PEBP4: variants seen among roughly 807,000 people sequenced by gnomAD.
PEBP4 encodes phosphatidylethanolamine binding protein 4.
PEBP4 carries 22 observed loss-of-function variants against 23.9 expected under a neutral mutation model. The observed-to-expected ratio is 0.92, with a 90% confidence interval of 0.66 to 1.31. The LOEUF (loss-of-function observed/expected upper bound fraction) is 1.31, where lower values mean the gene tolerates loss of function less well. PEBP4 is among the 40% of genes most tolerant of loss of function. The pLI, the probability that PEBP4 is intolerant of heterozygous loss-of-function variation, is 0.00. For missense variants in PEBP4, 324 were observed against 281.7 expected, an observed-to-expected ratio of 1.15 and a Z score of -1.07; for synonymous variants, 112 against 99.3, an observed-to-expected ratio of 1.13 and a Z score of -0.76.
intron 4 of PEBP4, among the ~76,000 whole-genome samples, chr8:22,767,150 A>G (rs980431830): frequency 2.0e-5 from 3 of 152,212 alleles, no homozygotes; most frequent in Admixed American, 6.5e-5. Flanking sequence ...TGCTTCATAC[A>G]GCACAATAAA....
chr8:22,756,429 C>CCGACAGTCT lies in PEBP4; in HGVS notation c.358-29218_358-29210dup, dbSNP rs1167040318. ...TCCTCGTCAACACTGGTGACTAATT[C>CCGACAGTCT]CGACAGTCTCGGCCAGTTGTGGCTG... On this transcript the variant is annotated intron_variant, in intron 4 of 6. Transcript: ENST00000256404. 3.9e-5 allele frequency among the ~76,000 whole-genome samples: 6 copies of CCGACAGTCT among 152,322 alleles called. No homozygotes were observed. The East Asian group carries it at 1.2e-3, about 29-fold the overall frequency.
intron 4 of PEBP4, among the ~76,000 whole-genome samples, chr8:22,811,189 G>A (rs887237367): frequency 6.6e-6 from 1 of 151,776 alleles, no homozygotes; most frequent in African/African-American, 2.4e-5. Flanking sequence ...ATATTTTAAT[G>A]ACTCATTGAA....
At chr8:22,724,277 G>A (rs1356308636) in intron 6 of PEBP4, among the ~76,000 whole-genome samples, 6 of 152,152 alleles carry the variant, frequency 3.9e-5, no homozygotes, top group South Asian at 2.1e-4. Context: ...CCAAGCAGGC[G>A]GGGTTCGCCA....
At chr8:22,726,175 T>C (rs889719724) in intron 5 of PEBP4, among the ~76,000 whole-genome samples, 1 of 152,154 alleles carries the variant, frequency 6.6e-6, no homozygotes, top group African/African-American at 2.4e-5. Context: ...GGCCTGTGTG[T>C]GTGTAAATGC....
chr8:22,834,047 T>G (rs769278198), intron 3 of PEBP4, among the ~76,000 whole-genome samples: 8 of 152,198 alleles, frequency 5.3e-5, no homozygotes, highest in Non-Finnish European at 8.8e-5. Context: ...AAGAGGACAA[T>G]CTTCCCCTGA....
intron 4 of PEBP4, among the ~76,000 whole-genome samples, chr8:22,810,115 A>G (rs1308227068): frequency 2.0e-5 from 3 of 152,134 alleles, no homozygotes; most frequent in Non-Finnish European, 2.9e-5. Flanking sequence ...GTCCAGCAAG[A>G]TCTCTTCTGT....
At chr8:22,925,968 CTTGT>C (rs1809318707) in intron 2 of PEBP4, among the ~76,000 whole-genome samples, 1 of 152,068 alleles carries the variant, frequency 6.6e-6, no homozygotes, top group Non-Finnish European at 1.5e-5. Flanking sequence ...TGTTTTCTTG[CTTGT>C]TTGTTTTTTT....
At chr8:22,857,914 G>A (rs1014520125) in intron 3 of PEBP4, among the ~76,000 whole-genome samples, 4 of 152,152 alleles carry the variant, frequency 2.6e-5, no homozygotes, top group African/African-American at 7.2e-5. Flanking sequence ...GGAATTGTCC[G>A]TCACCTGACT....
At position 22,770,461 on chromosome 8, in the gene PEBP4, TCC is replaced by T. The variant is rs979133587; in HGVS notation, c.358-43243_358-43242del. ...CCGAAGCTGCATCCTGTCCTCTCTC[TCC>T]CTACCCTCCCACTGCGCATCCTTGG... On this transcript the variant is annotated intron_variant, in intron 4 of 6. Transcript: ENST00000256404. Among the ~76,000 whole-genome samples the T allele has an allele frequency of 1.1e-3, 164 of 152,242 alleles. 1 individual carries two copies. The highest frequency in any genetic ancestry group is 3.8e-3 in the African/African-American group (158 of 41,548).
intron 3 of PEBP4, among the ~76,000 whole-genome samples, chr8:22,903,840 G>A (rs1387724350): frequency 6.6e-6 from 1 of 152,174 alleles, no homozygotes; most frequent in Non-Finnish European, 1.5e-5. Flanking sequence ...CCGCTTCCAG[G>A]GCATCCTCTT....
chr8:22,725,411 G>A (rs1357792421), intron 5 of PEBP4, among the ~76,000 whole-genome samples: 1 of 146,374 alleles, frequency 6.8e-6, no homozygotes, highest in African/African-American at 2.5e-5. Flanking sequence ...TCTTGGCTGC[G>A]TCTGGAGGGT....
intron 3 of PEBP4, among the ~76,000 whole-genome samples, chr8:22,826,575 T>TA (rs916014725): frequency 6.6e-4 from 101 of 152,100 alleles, no homozygotes; most frequent in Admixed American, 2.1e-3. Context: ...TTCGTAACTG[T>TA]AAAAAAAACC....
chr8:22,732,276 G>A (rs1221908987), intron 4 of PEBP4, among the ~76,000 whole-genome samples: 1 of 152,140 alleles, frequency 6.6e-6, no homozygotes, highest in Admixed American at 6.5e-5. Context: ...GAATTTCTTA[G>A]AAGGACCCTT....
intron 4 of PEBP4, among the ~76,000 whole-genome samples, chr8:22,810,053 A>C (rs1806585182): frequency 6.6e-6 from 1 of 152,178 alleles, no homozygotes; most frequent in African/African-American, 2.4e-5. Context: ...AAGGGACCAA[A>C]ATGTGCTTCC....
intron 4 of PEBP4, among the ~76,000 whole-genome samples, chr8:22,739,671 C>T (rs1804947423): frequency 6.6e-6 from 1 of 152,140 alleles, no homozygotes; most frequent in South Asian, 2.1e-4. Context: ...TGCCCCCCTC[C>T]CCACAGTTCT....
chr8:22,927,439 T>C (rs1438917449), intron 2 of PEBP4, 145 bp downstream of exon 2: 13 of 934,974 alleles, frequency 1.4e-5, no homozygotes, highest in Non-Finnish European at 1.5e-6. Context: ...TCCATCAAGG[T>C]GGTCTCCAGA....
intron 3 of PEBP4, among the ~76,000 whole-genome samples, chr8:22,897,991 C>T (rs1465835645): frequency 6.6e-6 from 1 of 152,098 alleles, no homozygotes; most frequent in South Asian, 2.1e-4. Context: ...AGAAGGTAGC[C>T]GTTTTCAAGC....
Position 22,819,891 on chromosome 8 carries a change from C to A in PEBP4, c.259-2156G>T, listed in dbSNP as rs577841827. Among the ~76,000 whole-genome samples the A allele has an allele frequency of 7.9e-5, 12 of 152,274 alleles. No individual in the cohort carries two copies. In the South Asian group the frequency reaches 1.7e-3, roughly 21 times the overall value. On this transcript the variant is annotated intron_variant, in intron 3 of 6. Coordinates refer to ENST00000256404, the MANE Select transcript of PEBP4 (RefSeq NM_144962.3). ...AAAGTGCTGGAATTACAGGCGTGAG[C>A]CACCGCGCCCAGCCCAAGATATTTT...
rs115279757 is a variant in PEBP4 at position 22,743,428 on chromosome 8, C to T, written c.358-16208G>A. Among the ~76,000 whole-genome samples the T allele has an allele frequency of 6.9e-3, 1,053 of 152,330 alleles. 10 individuals carry two copies. Among genetic ancestry groups the T allele is most frequent in the African/African-American group, 0.024 (1,009 of 41,584 alleles). ...CATAAAACAGGCTAATGACGGCCCT[C>T]GGCCCTCATTTTATGGACCCGTTTC... On this transcript the variant is annotated intron_variant, in intron 4 of 6. Transcript: ENST00000256404.
Sources: allele counts gnomAD v4.1 joint callset (sites outside exome capture counted in the v4.1 genomes callset), GRCh38; gene constraint gnomAD v4.1.1; transcripts MANE v1.5; gene names NCBI Gene and HGNC (gene_info 2026-07-23, HGNC 2026-07-21).